Variants in BMPER observed in about 807,000 individuals in gnomAD.
BMPER encodes the protein BMP-binding endothelial regulator protein.
A neutral mutation model predicts 87.3 loss-of-function variants in BMPER; 45 were observed. That is an observed-to-expected ratio of 0.52 (90% CI 0.41 to 0.66). The LOEUF (loss-of-function observed/expected upper bound fraction) is 0.66. BMPER is among the 30% of genes least tolerant of loss of function. BMPER has a pLI of 0.00. For missense variants in BMPER, 784 were observed against 867.5 expected (o/e 0.90, Z 1.21); for synonymous variants, 326 against 316.2 (o/e 1.03, Z -0.33).
chr7:33,950,881 C>T (rs1399319264), intron 3 of BMPER, among the ~76,000 whole-genome samples: 1 of 152,164 alleles, frequency 6.6e-6, no homozygotes, highest in Non-Finnish European at 1.5e-5. Context: ...ATGATACTTA[C>T]AGCTAGAAGA....
Position 33,970,335 on chromosome 7 carries a change from G to A in BMPER, c.409G>A (p.Val137Ile), listed in dbSNP as rs747708294. 17 of 1,613,938 alleles carry A rather than the reference G, an allele frequency of 1.1e-5. No individual in the cohort carries two copies. The highest frequency in any genetic ancestry group is 2.2e-5 in the South Asian group (2 of 91,080). ...PCVLRQCQEG[V>I]VTESGVRCVV... ...GTTTTGTTCTGTGTTTCAGGAGGGC[G>A]TTGTCACAGAGTCTGGGGTGCGCTG... Residue 137 changes from valine to isoleucine, a missense_variant, in exon 5 of 15, where the codon GTT becomes ATT. By Grantham distance (29) the Val-to-Ile change is conservative. Coordinates refer to ENST00000649409, the MANE Select transcript of BMPER (RefSeq NM_001365308.1).
intron 6 of BMPER, among the ~76,000 whole-genome samples, chr7:33,982,298 A>G (rs1013354649): frequency 4.6e-5 from 7 of 152,124 alleles, no homozygotes; most frequent in Non-Finnish European, 8.8e-5. Flanking sequence ...GTCCACGGGG[A>G]GAAATTTGGC....
chr7:34,021,409 C>T (rs1787183842), intron 6 of BMPER, among the ~76,000 whole-genome samples: 1 of 151,824 alleles, frequency 6.6e-6, no homozygotes, highest in South Asian at 2.1e-4. Flanking sequence ...TAGTCATGAC[C>T]CTAAGAAGAA....
chr7:34,013,428 A>G (rs953394969), intron 6 of BMPER, among the ~76,000 whole-genome samples: 6 of 151,632 alleles, frequency 4.0e-5, no homozygotes, highest in African/African-American at 1.5e-4. Context: ...CGTCCTAACC[A>G]GTCTCCTTCT....
intron 12 of BMPER, among the ~76,000 whole-genome samples, chr7:34,081,059 T>G (rs897636408): frequency 6.6e-6 from 1 of 152,190 alleles, no homozygotes; most frequent in African/African-American, 2.4e-5. Flanking sequence ...AATACCCAGC[T>G]GAACAATTTC....
At chr7:33,948,844 T>A (rs1439945565) in intron 3 of BMPER, among the ~76,000 whole-genome samples, 1 of 152,130 alleles carries the variant, frequency 6.6e-6, no homozygotes, top group Non-Finnish European at 1.5e-5. Context: ...AATGTGGGAA[T>A]GGACTAATAC....
intron 4 of BMPER, among the ~76,000 whole-genome samples, chr7:33,967,783 A>C (rs569684438): frequency 1.3e-5 from 2 of 152,296 alleles, no homozygotes; most frequent in East Asian, 3.9e-4. Flanking sequence ...TTGGTAGAGC[A>C]CTCAGAAAAC....
In BMPER at chr7:34,121,725, G is replaced by A. The variant is rs181315255; in HGVS notation, c.1746-21505G>A. ...TTATCCAGAACTTCAGAAGGAAAAA[G>A]CCTTCTCCTCTTACTTTTCAATCAC... On this transcript the variant is annotated intron_variant, in intron 13 of 14. Coordinates refer to ENST00000649409, the MANE Select transcript of BMPER (RefSeq NM_001365308.1). Among the ~76,000 whole-genome samples the A allele has an allele frequency of 3.8e-3, 579 of 152,332 alleles. 3 individuals are homozygous for A. Among genetic ancestry groups the A allele is most frequent in the Non-Finnish European group, 6.8e-3 (464 of 68,026 alleles).
At chr7:34,063,916 A>G (rs1336454977) in intron 11 of BMPER, among the ~76,000 whole-genome samples, 2 of 152,188 alleles carry the variant, frequency 1.3e-5, no homozygotes, top group Non-Finnish European at 2.9e-5. Context: ...AACTCTTTCA[A>G]TTTGCATGAG....
At chr7:34,066,482 C>T (rs1051787084) in intron 11 of BMPER, among the ~76,000 whole-genome samples, 1 of 152,206 alleles carries the variant, frequency 6.6e-6, no homozygotes, top group Non-Finnish European at 1.5e-5. Flanking sequence ...AAGTGGGCTA[C>T]ACAAACTTCA....
intron 6 of BMPER, among the ~76,000 whole-genome samples, chr7:34,040,126 G>C (rs910445003): frequency 6.6e-6 from 1 of 152,226 alleles, no homozygotes; most frequent in East Asian, 1.9e-4. Flanking sequence ...AGGAGGGAGT[G>C]CCAGCTGGCT....
intron 6 of BMPER, among the ~76,000 whole-genome samples, chr7:34,013,178 A>T (rs1430806469): frequency 4.6e-5 from 7 of 151,094 alleles, no homozygotes; most frequent in Non-Finnish European, 7.4e-5. Flanking sequence ...TCATGATCAT[A>T]CTCCACTAGC....
At chr7:34,056,928 T>G (rs994378336) in intron 9 of BMPER, among the ~76,000 whole-genome samples, 2 of 152,224 alleles carry the variant, frequency 1.3e-5, no homozygotes, top group African/African-American at 4.8e-5. Flanking sequence ...AATACACTTG[T>G]AAGTCACCTT....
At position 33,988,037 on chromosome 7, in the gene BMPER, A is replaced by G. The variant is rs578186971; in HGVS notation, c.576+13253A>G. Reference sequence around the variant, plus strand: ...TTAAGAACTAACATTTAATAATAGAAAAGTTACTTTTTAATTTCAAAACGA... The same window carrying G: ...TTAAGAACTAACATTTAATAATAGAGAAGTTACTTTTTAATTTCAAAACGA... On this transcript the variant is annotated intron_variant, in intron 6 of 14. Transcript: ENST00000649409. Among the ~76,000 whole-genome samples the G allele has an allele frequency of 8.5e-5, 13 of 152,290 alleles. No homozygotes were observed. The South Asian group carries it at 2.1e-3, about 24-fold the overall frequency.
intron 14 of BMPER, among the ~76,000 whole-genome samples, chr7:34,149,865 A>G (rs1325857732): frequency 4.6e-5 from 7 of 152,088 alleles, no homozygotes; most frequent in Non-Finnish European, 8.8e-5. Flanking sequence ...ATTGCAGAAG[A>G]CTAGGCTAAA....
intron 5 of BMPER, among the ~76,000 whole-genome samples, chr7:33,972,130 C>T (rs573028366): frequency 1.3e-5 from 2 of 152,068 alleles, no homozygotes; most frequent in Non-Finnish European, 2.9e-5. Flanking sequence ...GTCTTGATCT[C>T]CTGACCTCGT....
At chr7:34,090,415 C>T (rs955984013) in intron 13 of BMPER, among the ~76,000 whole-genome samples, 13 of 152,144 alleles carry the variant, frequency 8.5e-5, no homozygotes, top group African/African-American at 3.1e-4. Flanking sequence ...TATTGCTTCT[C>T]CCTTCATGTC....
rs1297942391 is a variant in BMPER, at chr7:34,051,912, A to G, written c.728A>G (p.Asp243Gly). The G allele has an allele frequency of 1.2e-6, 2 of 1,613,908 alleles. No homozygotes were observed. Among genetic ancestry groups the G allele is most frequent in the African/African-American group, 1.3e-5 (1 of 74,916 alleles). Residue 243 changes from aspartate (D) to glycine (G), a missense_variant, in exon 8 of 15, where the codon GAT (aspartate) becomes GGT (glycine). Physicochemically the swap from Asp to Gly is moderately conservative, Grantham distance 94. Coordinates refer to ENST00000649409, the MANE Select transcript of BMPER (RefSeq NM_001365308.1). ...LPFGSCLFRS[D>G]VYDNGSSFLY... ...TTTGGGAGCTGCCTCTTTCGAAGTG[A>G]TGTTTATGACAATGGATCCTCATTT...
intron 13 of BMPER, among the ~76,000 whole-genome samples, chr7:34,124,162 A>G (rs911540240): frequency 1.3e-5 from 2 of 152,088 alleles, no homozygotes; most frequent in African/African-American, 4.8e-5. Context: ...GCTCATTGTT[A>G]TCTTTTCTGT....
Sources: allele counts gnomAD v4.1 joint callset (sites outside exome capture counted in the v4.1 genomes callset), GRCh38; gene constraint gnomAD v4.1.1; transcripts MANE v1.5; gene names NCBI Gene and HGNC (gene_info 2026-07-23, HGNC 2026-07-21).